The following HIBCH variants were observed in gnomAD, a reference collection of about 807,000 sequenced individuals.
The protein encoded by HIBCH is 3-hydroxyisobutyryl-CoA hydrolase, mitochondrial.
In HIBCH, 50 loss-of-function variants were observed where a neutral mutation model predicts 58.2. The ratio of observed to expected loss-of-function variants is 0.86; its 90% confidence interval spans 0.68 to 1.09. The LOEUF (loss-of-function observed/expected upper bound fraction) is 1.09. Ranked by LOEUF, HIBCH falls within the 50% of genes least tolerant of loss-of-function variation. The probability of loss-of-function intolerance (pLI) is 0.00; values close to 1 mark genes in which losing one functional copy is unlikely to be tolerated. For missense variants in HIBCH, 450 were observed against 449.7 expected, an observed-to-expected ratio of 1.00 and a Z score of -0.01; for synonymous variants, 151 against 146.9, an observed-to-expected ratio of 1.03 and a Z score of -0.20.
intron 4 of HIBCH, 93 bp downstream of exon 4, chr2:190,294,453 A>G: frequency 1.1e-6 from 1 of 880,464 alleles, no homozygotes. Flanking sequence ...TCTAAAAAGT[A>G]AAGCAAATTA....
chr2:190,246,206 T>C lies in HIBCH; in HGVS notation c.757A>G (p.Ile253Val). ...AGTATAAAAGACTTGTCTCGATCAATCTTAGACTGTTTGAAAAGAAAAATC... is the reference window on the plus strand; with the variant it reads ...AGTATAAAAGACTTGTCTCGATCAACCTTAGACTGTTTGAAAAGAAAAATC... Reference protein sequence around the residue: ...VLENYHTESKIDRDKSFILEE... With the variant: ...VLENYHTESKVDRDKSFILEE... The change falls in exon 10 of 14, where the codon ATT becomes GTT. Residue 253 changes from isoleucine to valine, a missense_variant. Ile to Val is a conservative substitution (Grantham distance 29). Coordinates refer to ENST00000359678, the MANE Select transcript of HIBCH (RefSeq NM_014362.4). 6.3e-7 allele frequency: 1 copy of C among 1,580,674 alleles called. No homozygotes were observed. The highest frequency in any genetic ancestry group is 8.7e-7 in the Non-Finnish European group (1 of 1,153,992).
chr2:190,253,916 C>G (rs1426698853), intron 7 of HIBCH, among the ~76,000 whole-genome samples: 1 of 152,130 alleles, frequency 6.6e-6, no homozygotes, highest in Admixed American at 6.5e-5. Context: ...ACAACACGTT[C>G]TTCTCTTCCA....
At position 190,252,320 on chromosome 2, in the gene HIBCH, G is replaced by T; in HGVS notation, c.518-13C>A. The T allele has an allele frequency of 1.2e-6, 2 of 1,607,478 alleles. No homozygotes were observed. The highest frequency in any genetic ancestry group is 2.2e-5 in the East Asian group (1 of 44,740). ...TCAGGGAACAGTCCTGTAATTAAAT[G>T]TAACAAAAAGAGATAATGGTGATTC... On this transcript the variant is annotated splice_polypyrimidine_tract_variant and intron_variant, in intron 7 of 13. Coordinates refer to ENST00000359678, the MANE Select transcript of HIBCH (RefSeq NM_014362.4).
chr2:190,310,655 C>G, intron 2 of HIBCH, 99 bp downstream of exon 2: 1 of 981,520 alleles, frequency 1.0e-6, no homozygotes. Flanking sequence ...TACCTAAGGT[C>G]AAGGAAATCT....
Position 190,279,099 on chromosome 2 carries a change from TCTGCAGAGCCCTGATCTGGTG to T in HIBCH, c.438+8466_438+8486del, listed in dbSNP as rs946757754. On this transcript the variant is annotated intron_variant, in intron 6 of 13. Transcript: ENST00000359678. The surrounding 1 kb of genome is among the most constrained non-coding windows in gnomAD (Gnocchi z 4.2). ...AGGGCCTTCTTGCTGGTGGGGACTC[TCTGCAGAGCCCTGATCTGGTG>T]AAGGGGCAAGAGCATGCCAAACTGG... Among the ~76,000 whole-genome samples, 1 of 152,202 alleles carries T rather than the reference TCTGCAGAGCCCTGATCTGGTG, an allele frequency of 6.6e-6. No homozygotes were observed. Among genetic ancestry groups the T allele is most frequent in the Admixed American group, 6.5e-5 (1 of 15,286 alleles).
intron 8 of HIBCH, among the ~76,000 whole-genome samples, chr2:190,250,749 C>A (rs1383874645): frequency 1.3e-5 from 2 of 152,158 alleles, no homozygotes; most frequent in Non-Finnish European, 2.9e-5. Flanking sequence ...TTTACAGAGA[C>A]AATCTTCAAT....
At chr2:190,193,637 T>TTTATATTATA (rs1377100304) in intron 1 of HIBCH, among the ~76,000 whole-genome samples, 1 of 152,174 alleles carries the variant, frequency 6.6e-6, no homozygotes, top group Non-Finnish European at 1.5e-5. Flanking sequence ...CATAAAATTG[T>TTTATATTATA]TTATATTATT....
At chr2:190,258,392 G>A (rs1032483812) in intron 7 of HIBCH, among the ~76,000 whole-genome samples, 2 of 152,214 alleles carry the variant, frequency 1.3e-5, no homozygotes, top group African/African-American at 4.8e-5. Context: ...ACCGGTACCA[G>A]AGAAGTAGGG....
At chr2:190,203,601 A>C (rs2105893627), downstream of HIBCH, 1 of 152,732 alleles carries the variant, frequency 6.5e-6, no homozygotes, top group African/African-American at 2.4e-5. Context: ...GAGAACAAAA[A>C]TCCATTTATA....
chr2:190,249,768 T>C (rs773378196), intron 8 of HIBCH, 42 bp from the exon 9 acceptor site: 5 of 1,159,410 alleles, frequency 4.3e-6, no homozygotes, highest in Middle Eastern at 2.2e-4. Flanking sequence ...TTAGATCCAA[T>C]AGAAACATAG....
In HIBCH at chr2:190,306,088, T is replaced by G. The variant is rs1688396997; in HGVS notation, c.78+4666A>C. ...CATGTCACTACTACAGATAAAGCTG[T>G]CTTATTTTTTTTCTATGTTTCTATG... On this transcript the variant is annotated intron_variant, in intron 2 of 13. Coordinates refer to ENST00000359678, the MANE Select transcript of HIBCH (RefSeq NM_014362.4). This position sits in a 1 kb window ranked among gnomAD's most constrained non-coding sequence, Gnocchi z 4.6. Among the ~76,000 whole-genome samples the G allele has an allele frequency of 6.6e-6, 1 of 152,094 alleles. No homozygotes were observed. The highest frequency in any genetic ancestry group is 2.4e-5 in the African/African-American group (1 of 41,416).
At chr2:190,208,023 T>C (rs1690432800) in intron 13 of HIBCH, among the ~76,000 whole-genome samples, 1 of 152,236 alleles carries the variant, frequency 6.6e-6, no homozygotes. Flanking sequence ...AATAACAGCT[T>C]TTTATAAGGA....
At chr2:190,234,941 T>G (rs1686224172) in intron 11 of HIBCH, among the ~76,000 whole-genome samples, 1 of 152,176 alleles carries the variant, frequency 6.6e-6, no homozygotes, top group Non-Finnish European at 1.5e-5. Flanking sequence ...GTAAGACATC[T>G]GGGGCACTCT....
chr2:190,307,121 G>A (rs1446134968), intron 2 of HIBCH, among the ~76,000 whole-genome samples: 1 of 152,168 alleles, frequency 6.6e-6, no homozygotes, highest in Admixed American at 6.6e-5. Context: ...GAATCTAGAT[G>A]TGGAGGAAAA....
At chr2:190,285,396 C>T (rs1266002984) in intron 6 of HIBCH, among the ~76,000 whole-genome samples, 1 of 152,156 alleles carries the variant, frequency 6.6e-6, no homozygotes, top group African/African-American at 2.4e-5. Flanking sequence ...TCCTCTTACT[C>T]TGCAGTACTT....
At chr2:190,245,889 C>T (rs1686591110) in intron 10 of HIBCH, among the ~76,000 whole-genome samples, 1 of 150,978 alleles carries the variant, frequency 6.6e-6, no homozygotes. Context: ...ACTCAGAAGG[C>T]TGAAGCATAA....
At chr2:190,233,108 T>C (rs562743245) in intron 11 of HIBCH, among the ~76,000 whole-genome samples, 3 of 152,286 alleles carry the variant, frequency 2.0e-5, no homozygotes, top group South Asian at 2.1e-4. Flanking sequence ...GCTTCCAATA[T>C]TGTTGAGAAA....
chr2:190,217,276 G>A lies in HIBCH; in HGVS notation c.892-4201C>T, dbSNP rs1328862284. Among the ~76,000 whole-genome samples, 1 of 152,168 alleles carries A rather than the reference G, an allele frequency of 6.6e-6. No individual in the cohort carries two copies. The highest frequency in any genetic ancestry group is 1.5e-5 in the Non-Finnish European group (1 of 68,026). ...AGGCAGGTGGATCACCTGAGGTCAA[G>A]AGTTCAAGACCAGCCTGGCCAACAT... On this transcript the variant is annotated intron_variant, in intron 11 of 13. Transcript: ENST00000359678. The surrounding 1 kb of genome is among the most constrained non-coding windows in gnomAD (Gnocchi z 4.6).
intron 2 of HIBCH, among the ~76,000 whole-genome samples, chr2:190,308,795 C>G (rs765400723): frequency 6.6e-6 from 1 of 152,214 alleles, no homozygotes; most frequent in African/African-American, 2.4e-5. Context: ...TGCCAGGCTT[C>G]GTATCCCCAT....
Sources: gnomAD v4.1 joint callset for allele counts (sites outside exome capture counted in the v4.1 genomes callset) on GRCh38, gnomAD v4.1.1 for gene constraint, Gnocchi (gnomAD v3.1) non-coding constraint, MANE v1.5 for transcripts, NCBI Gene and HGNC (gene_info 2026-07-23, HGNC 2026-07-21) for gene names.